The following RBFOX1 variants were observed in gnomAD, a reference collection of about 807,000 sequenced individuals.
The protein encoded by RBFOX1 is RNA binding protein fox-1 homolog 1.
Under a neutral mutation model 57.7 loss-of-function variants are expected in RBFOX1, and 8 were observed. The observed-to-expected ratio is 0.14, with a 90% CI of 0.08 to 0.25. The LOEUF (loss-of-function observed/expected upper bound fraction) is 0.25, where lower values mean the gene tolerates loss of function less well. Ranked by LOEUF, RBFOX1 falls within the 10% of genes least tolerant of loss-of-function variation. The pLI is 1.00. For missense variants in RBFOX1, 611 were observed against 548.5 expected (o/e 1.11, Z -1.14); for synonymous variants, 326 against 222.4 (o/e 1.47, Z -4.15).
At chr16:6,552,311 A>G (rs1021639628) in intron 2 of RBFOX1, among the ~76,000 whole-genome samples, 6 of 152,168 alleles carry the variant, frequency 3.9e-5, no homozygotes, top group East Asian at 1.9e-4. Flanking sequence ...CAGGAAACCA[A>G]TCATACCAGT....
intron 2 of RBFOX1, among the ~76,000 whole-genome samples, chr16:5,513,984 G>C (rs2043697168): frequency 6.6e-6 from 1 of 152,034 alleles, no homozygotes; most frequent in Non-Finnish European, 1.5e-5. Context: ...GTTAAGGCAG[G>C]CTTTGTCATG....
chr16:6,698,088 T>C (rs957133549), intron 3 of RBFOX1, among the ~76,000 whole-genome samples: 2 of 152,222 alleles, frequency 1.3e-5, no homozygotes, highest in East Asian at 1.9e-4. Flanking sequence ...TTATTTCAAC[T>C]GTTTGGAAAT....
intron 1 of RBFOX1, among the ~76,000 whole-genome samples, chr16:5,427,030 C>T (rs542418319): frequency 3.2e-4 from 48 of 152,224 alleles, no homozygotes; most frequent in African/African-American, 9.6e-4. Flanking sequence ...TTTCATGCCA[C>T]CTCCTCTGTT....
rs780839692 is a variant in RBFOX1 at position 7,518,364 on chromosome 16, C to G, written c.245C>G (p.Ala82Gly). The change falls in exon 5 of 16, where the codon GCT becomes GGT. Residue 82 changes from alanine (A) to glycine (G), a missense_variant. Coordinates refer to ENST00000550418, the MANE Select transcript of RBFOX1 (RefSeq NM_018723.4). ...GAGCAGAGCCCGGCGGACACGAGCGCTCAGACCGTCTCTGGCACCGCCACA... is the reference window on the plus strand; with the variant it reads ...GAGCAGAGCCCGGCGGACACGAGCGGTCAGACCGTCTCTGGCACCGCCACA... ...HSEQSPADTSAQTVSGTATQT... is the reference protein window; with the variant it reads ...HSEQSPADTSGQTVSGTATQT... 1.1e-5 allele frequency: 17 copies of G among 1,611,484 alleles called. No individual in the cohort carries two copies. The highest frequency in any genetic ancestry group is 1.4e-5 in the Non-Finnish European group (17 of 1,178,274).
chr16:6,578,106 G>C (rs1039230866), intron 2 of RBFOX1, among the ~76,000 whole-genome samples: 1 of 152,132 alleles, frequency 6.6e-6, no homozygotes, highest in African/African-American at 2.4e-5. Context: ...GCATCTTGCA[G>C]TTCAGAGCTG....
intron 3 of RBFOX1, among the ~76,000 whole-genome samples, chr16:6,663,419 C>A (rs963606815): frequency 6.6e-6 from 1 of 152,166 alleles, no homozygotes; most frequent in Non-Finnish European, 1.5e-5. Context: ...GGATTTGTTT[C>A]TATTAGTGCC....
chr16:5,624,677 C>G (rs1440663370), intron 3 of RBFOX1, among the ~76,000 whole-genome samples: 2 of 152,242 alleles, frequency 1.3e-5, no homozygotes, highest in African/African-American at 4.8e-5. Context: ...CTGAAGGGCG[C>G]TCTCAGCTAC....
At chr16:6,637,751 C>A (rs780790723) in intron 2 of RBFOX1, among the ~76,000 whole-genome samples, 1 of 151,626 alleles carries the variant, frequency 6.6e-6, no homozygotes, top group African/African-American at 2.4e-5. Context: ...ACATCTACAT[C>A]TCTTCAAGAA....
At chr16:5,458,664 A>G (rs1308483712) in intron 1 of RBFOX1, among the ~76,000 whole-genome samples, 2 of 152,244 alleles carry the variant, frequency 1.3e-5, no homozygotes, top group African/African-American at 2.4e-5. Context: ...TCAGGTTGCC[A>G]TGAATCCAAA....
chr16:6,497,427 C>G (rs1218774244), intron 2 of RBFOX1, among the ~76,000 whole-genome samples: 1 of 152,138 alleles, frequency 6.6e-6, no homozygotes, highest in Non-Finnish European at 1.5e-5. Context: ...AGTCACTTCT[C>G]AAGGCCCAGA....
chr16:5,276,868 A>G (rs577891909), intron 1 of RBFOX1, among the ~76,000 whole-genome samples: 184 of 152,328 alleles, frequency 1.2e-3, no homozygotes, highest in Non-Finnish European at 2.1e-3. Flanking sequence ...TACCATCACT[A>G]TGGAAAGCAG....
chr16:5,928,498 A>T (rs1162577261), intron 4 of RBFOX1, among the ~76,000 whole-genome samples: 1 of 152,152 alleles, frequency 6.6e-6, no homozygotes, highest in African/African-American at 2.4e-5. Context: ...TCAAAACATC[A>T]TGTTGTACCC....
At chr16:7,203,305 GTATAA>G (rs2089123800) in intron 4 of RBFOX1, among the ~76,000 whole-genome samples, 1 of 152,172 alleles carries the variant, frequency 6.6e-6, no homozygotes. Context: ...CACACGCACT[GTATAA>G]TTCCACTCAC....
intron 3 of RBFOX1, among the ~76,000 whole-genome samples, chr16:5,864,652 T>A (rs556623251): frequency 1.3e-5 from 2 of 151,992 alleles, no homozygotes; most frequent in South Asian, 4.2e-4. Context: ...CATATAAGAA[T>A]CTTCCCCAAG....
intron 2 of RBFOX1, among the ~76,000 whole-genome samples, chr16:6,604,392 G>A (rs2097897919): frequency 6.6e-6 from 1 of 151,912 alleles, no homozygotes; most frequent in Non-Finnish European, 1.5e-5. Context: ...GCCCAAGCAG[G>A]ACTTACAGTC....
At chr16:6,909,857 C>T (rs921849778) in intron 3 of RBFOX1, among the ~76,000 whole-genome samples, 1 of 152,084 alleles carries the variant, frequency 6.6e-6, no homozygotes, top group Non-Finnish European at 1.5e-5. Context: ...CTCGGACCAC[C>T]CTCGTGTGAC....
At chr16:6,014,719 TA>T (rs2094982787), upstream of RBFOX1, among the ~76,000 whole-genome samples, 1 of 152,194 alleles carries the variant, frequency 6.6e-6, no homozygotes, top group Non-Finnish European at 1.5e-5. Flanking sequence ...AGGTCTTATA[TA>T]ATATTTAAAT....
chr16:7,650,240 C>CCT (rs1252299118), intron 11 of RBFOX1, among the ~76,000 whole-genome samples: 1 of 152,048 alleles, frequency 6.6e-6, no homozygotes, highest in Admixed American at 6.6e-5. Context: ...AAATACCAAC[C>CCT]ACCCAGGACA....
At chr16:6,551,874 A>C (rs1308345777) in intron 2 of RBFOX1, among the ~76,000 whole-genome samples, 1 of 152,178 alleles carries the variant, frequency 6.6e-6, no homozygotes, top group Non-Finnish European at 1.5e-5. Flanking sequence ...GTCATTTCAG[A>C]GTGGGAAAAG....
Sources: allele counts gnomAD v4.1 joint callset (sites outside exome capture counted in the v4.1 genomes callset), GRCh38; gene constraint gnomAD v4.1.1; transcripts MANE v1.5; gene names NCBI Gene and HGNC (gene_info 2026-07-23, HGNC 2026-07-21).